The following CSMD1 variants were observed in gnomAD, a reference collection of about 807,000 sequenced individuals.
The protein encoded by CSMD1 is CUB and sushi domain-containing protein 1.
A neutral mutation model predicts 417.5 loss-of-function variants in CSMD1; 213 were observed. The ratio of observed to expected loss-of-function variants is 0.51; its 90% CI spans 0.46 to 0.57. CSMD1 has a LOEUF of 0.57. Ranked by LOEUF, CSMD1 falls within the 20% of genes least tolerant of loss-of-function variation. The pLI, the probability that CSMD1 is intolerant of heterozygous loss-of-function variation, is 0.00. For missense variants in CSMD1, 6,923 were observed against 4,529.7 expected, an observed-to-expected ratio of 1.53 and a Z score of -15.17; for synonymous variants, 2,862 against 1,736.8, an observed-to-expected ratio of 1.65 and a Z score of -16.11.
intron 3 of CSMD1, among the ~76,000 whole-genome samples, chr8:4,083,820 C>G (rs933606241): frequency 1.6e-4 from 25 of 152,106 alleles, no homozygotes; most frequent in Non-Finnish European, 2.9e-5. Context: ...GCAATGGCAA[C>G]AAAAGCCAAA....
intron 15 of CSMD1, among the ~76,000 whole-genome samples, chr8:3,402,568 G>T (rs574250873): frequency 1.2e-3 from 182 of 152,230 alleles, no homozygotes; most frequent in African/African-American, 4.2e-3. Context: ...AGAAAATTCT[G>T]CCAGAATAAA....
chr8:3,189,900 G>T lies in CSMD1; in HGVS notation c.5398+12C>A, dbSNP rs190340904. 1 of 1,563,388 alleles carries T rather than the reference G, an allele frequency of 6.4e-7. No homozygotes were observed. The highest frequency in any genetic ancestry group is 8.7e-7 in the Non-Finnish European group (1 of 1,155,058). ...GAGTTCTGGCGGGCAGCCGCTTAGG[G>T]ACACTGCTCACCCACACAGCTGGGG... On this transcript the variant is annotated intron_variant, in intron 34 of 69. Coordinates refer to ENST00000635120, the MANE Select transcript of CSMD1 (RefSeq NM_033225.6).
At chr8:3,477,971 A>G (rs991365183) in intron 11 of CSMD1, among the ~76,000 whole-genome samples, 9 of 152,244 alleles carry the variant, frequency 5.9e-5, no homozygotes, top group Non-Finnish European at 1.0e-4. Context: ...GCTTTCATTG[A>G]ATAAATAATC....
intron 2 of CSMD1, among the ~76,000 whole-genome samples, chr8:4,497,761 A>C (rs1802051727): frequency 6.6e-6 from 1 of 152,220 alleles, no homozygotes; most frequent in Non-Finnish European, 1.5e-5. Context: ...ACAATTCTGC[A>C]AGAAATATGT....
intron 10 of CSMD1, among the ~76,000 whole-genome samples, chr8:3,566,444 G>A (rs533422104): frequency 3.0e-4 from 46 of 152,138 alleles, no homozygotes; most frequent in Non-Finnish European, 5.4e-4. Context: ...TGTACCTAGG[G>A]ACCACCGTAC....
chr8:4,260,600 A>G (rs76462279), intron 3 of CSMD1, among the ~76,000 whole-genome samples: 4 of 152,168 alleles, frequency 2.6e-5, no homozygotes, highest in Non-Finnish European at 4.4e-5. Context: ...CTGAAAACAC[A>G]TATTTGTGGT....
chr8:3,105,307 C>A (rs1816058420), intron 46 of CSMD1, among the ~76,000 whole-genome samples: 1 of 117,898 alleles, frequency 8.5e-6, no homozygotes, highest in African/African-American at 2.6e-5. Context: ...ATAGCTGTGT[C>A]ACTCACCCTA....
Position 3,284,226 on chromosome 8 carries a change from G to T in CSMD1, c.4071C>A (p.Ile1357=). 1 of 1,612,772 alleles carries T rather than the reference G, an allele frequency of 6.2e-7. No homozygotes were observed. The highest frequency in any genetic ancestry group is 8.5e-7 in the Non-Finnish European group (1 of 1,179,452). The part of the protein sequence containing the change: ...EWSGSALPED[I]HSTFNSLTLQ... Reference sequence around the variant, plus strand: ...GGGTGAGTGAGTTGAAGGTGCTGTGGATGTCCTCCGGAAGGGCGGAGCCAC... The same window carrying T: ...GGGTGAGTGAGTTGAAGGTGCTGTGTATGTCCTCCGGAAGGGCGGAGCCAC... The change falls in exon 26 of 70, where the codon ATC becomes ATA. Residue 1357 remains isoleucine, a synonymous_variant. Transcript: ENST00000635120.
chr8:3,410,814 C>T (rs1048800005), intron 12 of CSMD1, among the ~76,000 whole-genome samples: 2 of 152,136 alleles, frequency 1.3e-5, no homozygotes, highest in African/African-American at 4.8e-5. Context: ...TCATAGCTCA[C>T]TGCAACTTCC....
chr8:4,169,818 G>C (rs987153508), intron 3 of CSMD1, among the ~76,000 whole-genome samples: 1 of 152,082 alleles, frequency 6.6e-6, no homozygotes, highest in Admixed American at 6.5e-5. Flanking sequence ...AGCACTTTCT[G>C]TCTGCCCTTC....
chr8:4,928,177 G>C (rs1806999635), intron 1 of CSMD1, among the ~76,000 whole-genome samples: 1 of 152,000 alleles, frequency 6.6e-6, no homozygotes, highest in South Asian at 2.1e-4. Flanking sequence ...GTTGCCATTG[G>C]CACTGCCTGG....
At chr8:3,869,284 C>T (rs1036346958) in intron 5 of CSMD1, among the ~76,000 whole-genome samples, 6 of 152,158 alleles carry the variant, frequency 3.9e-5, no homozygotes, top group Admixed American at 3.9e-4. Flanking sequence ...TGTGACACAC[C>T]ACATTCTCCT....
In CSMD1 at chr8:3,162,216, A is replaced by G; in HGVS notation, c.5787T>C (p.Asp1929=). The G allele has an allele frequency of 3.1e-6, 5 of 1,611,704 alleles. No individual in the cohort carries two copies. The highest frequency in any genetic ancestry group is 4.2e-6 in the Non-Finnish European group (5 of 1,179,054). ...ALPSNSIKIG[D]RYMVNDVLSF... ...AGAGCACGTCGTTCACCATGTACCG[A>G]TCTCCGATTTTGATGCTGTTGCTGG... is the stretch of plus-strand genomic sequence containing the variant. Residue 1929 remains aspartate (D), a synonymous_variant, in exon 38 of 70, where the codon GAT becomes GAC. Transcript: ENST00000635120.
intron 51 of CSMD1, among the ~76,000 whole-genome samples, chr8:3,022,981 A>G (rs1809561805): frequency 1.3e-5 from 2 of 152,362 alleles, no homozygotes; most frequent in African/African-American, 2.4e-5. Flanking sequence ...CTGTCACTAC[A>G]GTTATTTGAT....
chr8:3,034,896 C>T (rs1810572555), intron 50 of CSMD1, among the ~76,000 whole-genome samples: 3 of 152,120 alleles, frequency 2.0e-5, no homozygotes, highest in Admixed American at 2.0e-4. Flanking sequence ...TCGAACATCA[C>T]AGAAGGCAAA....
intron 5 of CSMD1, among the ~76,000 whole-genome samples, chr8:3,980,444 T>C (rs1813766005): frequency 2.0e-5 from 3 of 152,182 alleles, no homozygotes. Flanking sequence ...TCTTCACATC[T>C]TACACGTTTG....
Position 2,975,239 on chromosome 8 carries a change from T to C in CSMD1, c.8567-615A>G, listed in dbSNP as rs367843278. Among the ~76,000 whole-genome samples the C allele has an allele frequency of 7.9e-5, 12 of 152,326 alleles. No individual in the cohort carries two copies. In the South Asian group the frequency reaches 2.3e-3, roughly 29 times the overall value. On this transcript the variant is annotated intron_variant, in intron 55 of 69. Transcript: ENST00000635120. The stretch of plus-strand genomic sequence containing the variant: ...ATTTCCCTTCATTTCCTTAAAATTA[T>C]ACCAAATCAGGCCTAAACTCTATTT...
At chr8:3,818,414 C>T (rs1278034987) in intron 5 of CSMD1, among the ~76,000 whole-genome samples, 2 of 152,108 alleles carry the variant, frequency 1.3e-5, no homozygotes, top group Non-Finnish European at 2.9e-5. Context: ...GAAAACAGCA[C>T]CAAACAATTA....
chr8:3,229,482 C>T (rs942878463), intron 27 of CSMD1, among the ~76,000 whole-genome samples: 2 of 152,100 alleles, frequency 1.3e-5, no homozygotes, highest in Non-Finnish European at 2.9e-5. Context: ...AAGCCAAAGT[C>T]TGCAAAATCA....
Sources: gnomAD v4.1 joint callset for allele counts (sites outside exome capture counted in the v4.1 genomes callset) on GRCh38, gnomAD v4.1.1 for gene constraint, MANE v1.5 for transcripts, NCBI Gene and HGNC (gene_info 2026-07-23, HGNC 2026-07-21) for gene names.